Variants in SIPA1L2 observed in about 807,000 individuals in gnomAD.
SIPA1L2 encodes the protein signal-induced proliferation-associated 1-like protein 2.
A neutral mutation model predicts 163.9 loss-of-function variants in SIPA1L2; 56 were observed. The ratio of observed to expected loss-of-function variants is 0.34; its 90% CI spans 0.28 to 0.43. The LOEUF is 0.43. SIPA1L2 is among the 20% of genes least tolerant of loss of function. SIPA1L2 has a pLI of 1.00. For synonymous variants in SIPA1L2, 877 were observed against 865.7 expected (o/e 1.01, Z -0.23); for missense variants, 1,974 against 2,193.5 (o/e 0.90, Z 2.00).
chr1:232,518,717 C>G (rs1235689695), intron 2 of SIPA1L2, among the ~76,000 whole-genome samples: 1 of 152,142 alleles, frequency 6.6e-6, no homozygotes, highest in Non-Finnish European at 1.5e-5. Context: ...TTCCCAAACA[C>G]CCATTTCCAT....
At position 232,629,861 on chromosome 1, in the gene SIPA1L2, A is replaced by G. The variant is rs1388720857; in HGVS notation, c.-319+8T>C. ...GCCACGCTGCCCGTCGGATTCCCCG[A>G]CACGAACCTTCGCAACGCCGTCCGC... On this transcript the variant is annotated splice_region_variant and intron_variant, in intron 1 of 22. Transcript: ENST00000674635. 6.6e-6 allele frequency among the ~76,000 whole-genome samples: 1 copy of G among 151,706 alleles called. No homozygotes were observed. Among genetic ancestry groups the G allele is most frequent in the Non-Finnish European group, 1.5e-5 (1 of 67,872 alleles).
chr1:232,620,764 A>T (rs546596283), intron 1 of SIPA1L2, among the ~76,000 whole-genome samples: 20 of 152,368 alleles, frequency 1.3e-4, no homozygotes, highest in Admixed American at 9.8e-4. Flanking sequence ...CCAGGGAAAC[A>T]ATATTTTGGA....
In SIPA1L2 at chr1:232,471,409, G is replaced by C. The variant is rs751677768; in HGVS notation, c.2205C>G (p.Val735=). The C allele has an allele frequency of 3.1e-6, 5 of 1,614,058 alleles. No homozygotes were observed. The Admixed American group carries it at 8.3e-5, about 27-fold the overall frequency. ...TTTCGGTACATGGATTATGCACTTT[G>C]ACTATGACAAAGACATGCTGAAAGT... ...RSHFQHVFVI[V]KVHNPCTENV... is the part of the protein sequence containing the mutation. The change falls in exon 8 of 23, where the codon GTC becomes GTG. Residue 735 remains valine (V), a synonymous_variant. Transcript: ENST00000674635.
rs777378457 is a variant in SIPA1L2 at position 232,428,555 on chromosome 1, A to G, written c.4266T>C (p.Ser1422=). The G allele has an allele frequency of 6.4e-7, 1 of 1,564,970 alleles. No individual in the cohort carries two copies. The highest frequency in any genetic ancestry group is 8.6e-7 in the Non-Finnish European group (1 of 1,159,352). The part of the protein sequence containing the change: ...PEVTECPGMY[S]EMDVMSTATQ... ...TTGCTGTGGACATGACATCCATCTC[A>G]CTATACATCCTGTTGAAAACAATCA... is the stretch of plus-strand genomic sequence containing the variant. The change falls in exon 17 of 23, where the codon AGT becomes AGC. Residue 1422 remains serine (S), a synonymous_variant. Coordinates refer to ENST00000674635, the MANE Select transcript of SIPA1L2 (RefSeq NM_020808.5).
intron 1 of SIPA1L2, among the ~76,000 whole-genome samples, chr1:232,580,076 ATTTCTTGAT>A (rs1259939002): frequency 6.6e-6 from 1 of 152,168 alleles, no homozygotes; most frequent in Non-Finnish European, 1.5e-5. Flanking sequence ...ACTTATAGTT[ATTTCTTGAT>A]TACATGCTAA....
chr1:232,445,393 G>A, intron 11 of SIPA1L2, 136 bp downstream of exon 11: 1 of 1,290,884 alleles, frequency 7.7e-7, no homozygotes, highest in Non-Finnish European at 1.1e-6. Flanking sequence ...TCTGGGGCCT[G>A]CCTTGCTACC....
intron 3 of SIPA1L2, among the ~76,000 whole-genome samples, chr1:232,505,963 C>A (rs1267661976): frequency 6.6e-6 from 1 of 152,170 alleles, no homozygotes; most frequent in Non-Finnish European, 1.5e-5. Context: ...AGCTACCAGG[C>A]ATGAAATTCA....
At chr1:232,618,067 A>G (rs1662598629) in intron 1 of SIPA1L2, among the ~76,000 whole-genome samples, 1 of 152,210 alleles carries the variant, frequency 6.6e-6, no homozygotes, top group Non-Finnish European at 1.5e-5. Context: ...TACACCACAC[A>G]ATATTTTCAG....
intron 2 of SIPA1L2, among the ~76,000 whole-genome samples, chr1:232,567,502 T>C (rs953711106): frequency 1.3e-5 from 2 of 151,896 alleles, no homozygotes; most frequent in African/African-American, 4.8e-5. Context: ...ATTGGAAAAA[T>C]GGAAGGAAAA....
chr1:232,548,339 A>G (rs1658167248), intron 2 of SIPA1L2, among the ~76,000 whole-genome samples: 1 of 152,138 alleles, frequency 6.6e-6, no homozygotes, highest in African/African-American at 2.4e-5. Flanking sequence ...TCCCTAGGGG[A>G]TATTCTCAGA....
chr1:232,577,814 A>G (rs181662955), intron 1 of SIPA1L2, among the ~76,000 whole-genome samples: 23 of 152,352 alleles, frequency 1.5e-4, no homozygotes, highest in South Asian at 6.2e-4. Flanking sequence ...GTAGAGGAAC[A>G]AAGAAACTGG....
chr1:232,541,298 T>TAACAG (rs1553309831), intron 2 of SIPA1L2, among the ~76,000 whole-genome samples: 2 of 146,996 alleles, frequency 1.4e-5, no homozygotes, highest in African/African-American at 2.5e-5. Context: ...TAACATAACA[T>TAACAG]AACAGAATAT....
upstream of SIPA1L2, among the ~76,000 whole-genome samples, chr1:232,630,382 G>A (rs949141104): frequency 6.6e-6 from 1 of 152,108 alleles, no homozygotes; most frequent in African/African-American, 2.4e-5. Context: ...GGGGCTGCGG[G>A]GCGCATCATG....
intron 6 of SIPA1L2, among the ~76,000 whole-genome samples, chr1:232,481,959 C>T (rs962026696): frequency 2.1e-4 from 32 of 152,154 alleles, no homozygotes; most frequent in African/African-American, 5.8e-4. Flanking sequence ...GTCTGTTCCT[C>T]GAAAGACATA....
In SIPA1L2 at chr1:232,514,761, T is replaced by A. The variant is rs1194713729; in HGVS notation, c.579A>T (p.Gly193=). Residue 193 remains glycine (G), a synonymous_variant, in exon 3 of 23, where the codon GGA becomes GGT. Transcript: ENST00000674635. ...NTGAALHREY[G]STSSIDRQGL... is the part of the protein sequence containing the mutation. Reference sequence around the variant, plus strand: ...CTTGCCTGTCGATGGATGAAGTACTTCCATACTCCCTGTGCAGGGCAGCCC... The same window carrying A: ...CTTGCCTGTCGATGGATGAAGTACTACCATACTCCCTGTGCAGGGCAGCCC... The A allele has an allele frequency of 5.0e-6, 8 of 1,614,102 alleles. No individual in the cohort carries two copies. The Admixed American group carries it at 1.3e-4, about 27-fold the overall frequency.
intron 1 of SIPA1L2, among the ~76,000 whole-genome samples, chr1:232,612,814 T>C (rs995659837): frequency 2.6e-5 from 4 of 152,136 alleles, no homozygotes; most frequent in African/African-American, 9.7e-5. Flanking sequence ...GAAGGCATGA[T>C]TGGTTTTGAA....
At chr1:232,401,211 C>CA (rs1363084214) in intron 22 of SIPA1L2, among the ~76,000 whole-genome samples, 1 of 152,126 alleles carries the variant, frequency 6.6e-6, no homozygotes, top group Non-Finnish European at 1.5e-5. Context: ...ATAGGGTGAC[C>CA]AGCCATCCCA....
At position 232,584,144 on chromosome 1, in the gene SIPA1L2, G is replaced by A. The variant is rs1660528912; in HGVS notation, c.-318-9922C>T. 2.0e-5 allele frequency among the ~76,000 whole-genome samples: 3 copies of A among 152,216 alleles called. No homozygotes were observed. In the South Asian group the frequency reaches 6.2e-4, roughly 31 times the overall value. On this transcript the variant is annotated intron_variant, in intron 1 of 22. Coordinates refer to ENST00000674635, the MANE Select transcript of SIPA1L2 (RefSeq NM_020808.5). The stretch of plus-strand genomic sequence containing the variant: ...CCCAGAAGGAAGGAGAACATACTCA[G>A]AGAGGCCAAGAAGAATTCTAGACAG...
At chr1:232,566,238 T>G (rs919294445) in intron 2 of SIPA1L2, among the ~76,000 whole-genome samples, 1 of 152,232 alleles carries the variant, frequency 6.6e-6, no homozygotes, top group Non-Finnish European at 1.5e-5. Context: ...ACATTGCTCA[T>G]TACCTCAGAA....
Sources: allele counts gnomAD v4.1 joint callset (sites outside exome capture counted in the v4.1 genomes callset), GRCh38; gene constraint gnomAD v4.1.1; transcripts MANE v1.5; gene names NCBI Gene and HGNC (gene_info 2026-07-23, HGNC 2026-07-21).